The following YME1L1 variants were observed in gnomAD, a reference collection of about 807,000 sequenced individuals.
YME1L1 encodes ATP-dependent zinc metalloprotease YME1L1.
In YME1L1, 39 loss-of-function variants were observed where a neutral mutation model predicts 90.4. That is an observed-to-expected ratio of 0.43 (90% CI 0.33 to 0.56). The LOEUF is 0.56. Among genes scored for constraint, YME1L1 ranks in the 20% least tolerant of loss-of-function variants. YME1L1 has a pLI of 0.03. For missense variants in YME1L1, 617 were observed against 868.4 expected (o/e 0.71, Z 3.64); for synonymous variants, 284 against 287.3 (o/e 0.99, Z 0.12).
At chr10:27,117,874 T>C (rs551386754) in intron 14 of YME1L1, 147 bp from the exon 15 acceptor site, 3 of 752,182 alleles carry the variant, frequency 4.0e-6, no homozygotes, top group Admixed American at 5.9e-5. Context: ...GGATTAAAAC[T>C]ATGGGGAAGA....
At chr10:27,140,940 A>G (rs956843546) in intron 4 of YME1L1, among the ~76,000 whole-genome samples, 11 of 152,306 alleles carry the variant, frequency 7.2e-5, no homozygotes, top group African/African-American at 2.4e-4. Flanking sequence ...ATCTTCCAAC[A>G]ATAGCTAAAA....
rs1373611810 is a variant in YME1L1 at position 27,134,117 on chromosome 10, G to T, written c.697C>A (p.Leu233Ile). 6.2e-7 allele frequency: 1 copy of T among 1,610,810 alleles called. No individual in the cohort carries two copies. Among genetic ancestry groups the T allele is most frequent in the Non-Finnish European group, 8.5e-7 (1 of 1,178,540 alleles). Residue 233 changes from leucine (L) to isoleucine (I), a missense_variant, in exon 7 of 19, where the codon CTA becomes ATA. Coordinates refer to ENST00000376016, the MANE Select transcript of YME1L1 (RefSeq NM_014263.4). ...QALTQKTNDS[L>I]RRTRLILFVL... ...AAGAGAATCAGACGGGTTCGCCTTA[G>T]GGAATCTAGGAGAGAAAGAAAAAGC...
At chr10:27,143,594 A>G (rs2057113149) in intron 3 of YME1L1, among the ~76,000 whole-genome samples, 1 of 150,620 alleles carries the variant, frequency 6.6e-6, no homozygotes, top group Non-Finnish European at 1.5e-5. Flanking sequence ...GCTGCTCGGG[A>G]GGCTGAGGCA....
chr10:27,117,832 C>T, intron 14 of YME1L1, 105 bp from the exon 15 acceptor site: 3 of 1,147,108 alleles, frequency 2.6e-6, no homozygotes, highest in Non-Finnish European at 3.7e-6. Context: ...TTCCTATCAG[C>T]AGATTCTGCA....
At chr10:27,151,653 G>T (rs1302131994) in intron 1 of YME1L1, among the ~76,000 whole-genome samples, 1 of 151,948 alleles carries the variant, frequency 6.6e-6, no homozygotes, top group Admixed American at 6.6e-5. Flanking sequence ...AGGCCGAGGC[G>T]GACGGATCAC....
At chr10:27,126,625 A>G in intron 9 of YME1L1, 71 bp downstream of exon 9, 5 of 783,230 alleles carry the variant, frequency 6.4e-6, no homozygotes, top group Non-Finnish European at 9.9e-6. Flanking sequence ...AATAAGTAAT[A>G]TAGGTTTTTT....
chr10:27,133,935 T>C, intron 7 of YME1L1, 104 bp downstream of exon 7: 15 of 815,662 alleles, frequency 1.8e-5, no homozygotes, highest in South Asian at 1.7e-4. Flanking sequence ...TCTAGTACTG[T>C]AAACATTAAT....
chr10:27,126,874 T>A, intron 8 of YME1L1, 88 bp from the exon 9 acceptor site: 1 of 767,136 alleles, frequency 1.3e-6, no homozygotes, highest in Non-Finnish European at 2.1e-6. Flanking sequence ...ATCATAAATT[T>A]AATTTGGATA....
chr10:27,123,142 A>G (rs2056883611), intron 10 of YME1L1, among the ~76,000 whole-genome samples, 169 bp from the exon 11 acceptor site: 1 of 152,170 alleles, frequency 6.6e-6, no homozygotes, highest in Admixed American at 6.6e-5. Context: ...TCAGGGGGGA[A>G]AAAACTATAC....
intron 17 of YME1L1, among the ~76,000 whole-genome samples, chr10:27,115,323 C>CT (rs71386913): frequency 0.09 from 12,841 of 142,268 alleles, 691 homozygotes; most frequent in East Asian, 0.28. Context: ...CATTTAAAAT[C>CT]TTTTTTTTTT....
At chr10:27,122,162 T>C (rs1430485257) in intron 11 of YME1L1, among the ~76,000 whole-genome samples, 6 of 152,220 alleles carry the variant, frequency 3.9e-5, no homozygotes, top group Admixed American at 3.3e-4. Context: ...TGAGCCACCA[T>C]GCCCAGCTTC....
chr10:27,127,666 T>C (rs941819112), intron 8 of YME1L1, among the ~76,000 whole-genome samples: 4 of 152,138 alleles, frequency 2.6e-5, no homozygotes, highest in East Asian at 3.9e-4. Context: ...AATTCAAAAA[T>C]AGGGAAAATT....
At chr10:27,135,995 A>C (rs2057023067) in intron 5 of YME1L1, among the ~76,000 whole-genome samples, 1 of 152,212 alleles carries the variant, frequency 6.6e-6, no homozygotes, top group Admixed American at 6.5e-5. Context: ...GGACAAACGT[A>C]GGTTGATAGC....
chr10:27,119,216 GA>G, intron 14 of YME1L1, 77 bp downstream of exon 14: 1 of 1,368,980 alleles, frequency 7.3e-7, no homozygotes, highest in Non-Finnish European at 9.8e-7. Context: ...TTAGCTGTTT[GA>G]ATAGAGTATT....
At position 27,125,458 on chromosome 10, in the gene YME1L1, G is replaced by GAAAAA. The variant is rs68143135; in HGVS notation, c.949+1233_949+1237dup. On this transcript the variant is annotated intron_variant, in intron 9 of 18. Transcript: ENST00000376016. ...AAGGAATTGTTTCATTGTTTCATTT[G>GAAAAA]AAAAAAAAAAAAAAAAAAACAATAA... 2.1e-3 allele frequency among the ~76,000 whole-genome samples: 229 copies of GAAAAA among 107,610 alleles called. 2 individuals are homozygous for GAAAAA. Among genetic ancestry groups the GAAAAA allele is most frequent in the East Asian group, 0.011 (35 of 3,324 alleles). 70.6% of individuals were successfully genotyped at this position (107,610 alleles called of 152,430 possible).
chr10:27,118,449 T>G (rs763315565), intron 14 of YME1L1, among the ~76,000 whole-genome samples: 121 of 152,030 alleles, frequency 8.0e-4, no homozygotes, highest in Non-Finnish European at 1.2e-3. Flanking sequence ...ACCCAACTAA[T>G]TTTTAAAATT....
At chr10:27,147,121 C>T in intron 2 of YME1L1, 1 of 443,122 alleles carries the variant, frequency 2.3e-6, no homozygotes, top group African/African-American at 2.0e-5. Flanking sequence ...TATGGCCAAA[C>T]TGTGAAGAGC....
At chr10:27,153,014 A>C (rs1475127235) in intron 1 of YME1L1, among the ~76,000 whole-genome samples, 2 of 152,116 alleles carry the variant, frequency 1.3e-5, no homozygotes, top group African/African-American at 2.4e-5. Context: ...TCTTTTCTCC[A>C]ACCTCTTCTG....
At chr10:27,141,032 C>T (rs1402107593) in intron 4 of YME1L1, among the ~76,000 whole-genome samples, 1 of 152,174 alleles carries the variant, frequency 6.6e-6, no homozygotes, top group Non-Finnish European at 1.5e-5. Context: ...ATTGGTGCCT[C>T]TCTTTTATGC....
Sources: gnomAD v4.1 joint callset for allele counts (sites outside exome capture counted in the v4.1 genomes callset) on GRCh38, gnomAD v4.1.1 for gene constraint, MANE v1.5 for transcripts, NCBI Gene and HGNC (gene_info 2026-07-23, HGNC 2026-07-21) for gene names.